Variants in RABEPK observed in about 807,000 individuals in gnomAD.
The protein encoded by RABEPK is Rab9 effector protein with kelch motifs.
A neutral mutation model predicts 34.1 loss-of-function variants in RABEPK; 27 were observed. The observed-to-expected ratio is 0.79, with a 90% CI of 0.58 to 1.09. RABEPK has a LOEUF of 1.09. Ranked by LOEUF, RABEPK falls within the 50% of genes least tolerant of loss-of-function variation. RABEPK has a pLI of 0.00. For missense variants in RABEPK, 449 were observed against 462.6 expected (o/e 0.97, Z 0.27); for synonymous variants, 172 against 169.2 (o/e 1.02, Z -0.13).
intron 2 of RABEPK, among the ~76,000 whole-genome samples, chr9:125,205,004 T>C (rs1048746378): frequency 6.6e-6 from 1 of 152,024 alleles, no homozygotes; most frequent in Admixed American, 6.6e-5. Flanking sequence ...ATTTTTTTTT[T>C]TAGAGACCCA....
chr9:125,232,655 C>A lies in RABEPK; in HGVS notation c.736C>A (p.His246Asn). Residue 246 changes from histidine (H) to asparagine (N), a missense_variant, in exon 7 of 8, where the codon CAC (histidine) becomes AAC (asparagine). His to Asn is a moderately conservative substitution (Grantham distance 68). Coordinates refer to ENST00000373538, the MANE Select transcript of RABEPK (RefSeq NM_005833.4). ...GGCTGCTCCAGCAGGCTGTGCTGCC[C>A]ACTCAGCTGTGGCCATGGGAAAACA... ...TGAAPAGCAAHSAVAMGKHVY... is the reference protein window; with the variant it reads ...TGAAPAGCAANSAVAMGKHVY... The A allele has an allele frequency of 6.2e-7, 1 of 1,614,166 alleles. No homozygotes were observed. The highest frequency in any genetic ancestry group is 8.5e-7 in the Non-Finnish European group (1 of 1,179,996).
chr9:125,224,687 C>T (rs375473836), intron 5 of RABEPK, among the ~76,000 whole-genome samples: 4 of 152,006 alleles, frequency 2.6e-5, no homozygotes, highest in Admixed American at 6.6e-5. Context: ...ATCTCCTGAC[C>T]TCGTGATCCG....
intron 2 of RABEPK, among the ~76,000 whole-genome samples, chr9:125,205,783 C>T (rs541315451): frequency 2.0e-5 from 3 of 152,256 alleles, no homozygotes; most frequent in South Asian, 4.1e-4. Flanking sequence ...CCACTGCGCC[C>T]GGCCCTCAAA....
chr9:125,229,128 C>T (rs1349708708), intron 6 of RABEPK, among the ~76,000 whole-genome samples: 2 of 151,858 alleles, frequency 1.3e-5, no homozygotes. Context: ...GTGGTGCATG[C>T]CTGTAATCCC....
At chr9:125,227,782 T>C in intron 5 of RABEPK, 128 bp from the exon 6 acceptor site, 1 of 720,446 alleles carries the variant, frequency 1.4e-6, no homozygotes, top group Non-Finnish European at 2.0e-6. Context: ...TTGGAGTGAA[T>C]GACCCCAGGG....
chr9:125,226,287 A>G (rs1271822828), intron 5 of RABEPK, among the ~76,000 whole-genome samples: 1 of 151,842 alleles, frequency 6.6e-6, no homozygotes, highest in African/African-American at 2.4e-5. Flanking sequence ...TGTGCATCCT[A>G]GCCTGAGCAA....
intron 4 of RABEPK, among the ~76,000 whole-genome samples, chr9:125,218,308 C>T (rs112204615): frequency 0.032 from 3,624 of 113,016 alleles, 87 homozygotes; most frequent in Non-Finnish European, 0.042. Context: ...GGAGCCACAG[C>T]GAGACTCCGT....
At chr9:125,218,733 TTCTC>T (rs975344520) in intron 4 of RABEPK, among the ~76,000 whole-genome samples, 7 of 151,476 alleles carry the variant, frequency 4.6e-5, no homozygotes, top group African/African-American at 1.5e-4. Flanking sequence ...CTCTCTCTCT[TTCTC>T]TCTCTCTTTC....
At chr9:125,228,787 C>T (rs1029191199) in intron 6 of RABEPK, among the ~76,000 whole-genome samples, 3 of 151,354 alleles carry the variant, frequency 2.0e-5, no homozygotes, top group Admixed American at 1.3e-4. Context: ...CATAGTGAAA[C>T]CCCATCTCTA....
At chr9:125,222,806 C>T (rs1405574529) in intron 5 of RABEPK, among the ~76,000 whole-genome samples, 2 of 150,710 alleles carry the variant, frequency 1.3e-5, no homozygotes, top group East Asian at 1.9e-4. Context: ...TCCATGCAAT[C>T]AGAAAGTCTT....
chr9:125,207,670 G>A lies in RABEPK; in HGVS notation c.160G>A (p.Gly54Arg), dbSNP rs1830312004. The change falls in exon 3 of 8, where the codon GGG becomes AGG. Residue 54 changes from glycine (G) to arginine (R), a missense_variant. Transcript: ENST00000373538. ...CAAGAGAGGGAAGGTCTTCATTGTT[G>A]GGGGAGCAAATCCAAACAGAAGCTT... ...NAKRGKVFIV[G>R]GANPNRSFSD... 6.2e-7 allele frequency: 1 copy of A among 1,614,008 alleles called. No individual in the cohort carries two copies. The highest frequency in any genetic ancestry group is 1.3e-5 in the African/African-American group (1 of 74,928).
intron 6 of RABEPK, among the ~76,000 whole-genome samples, chr9:125,228,597 T>C (rs1366346647): frequency 1.3e-5 from 2 of 150,524 alleles, no homozygotes; most frequent in East Asian, 3.9e-4. Flanking sequence ...AGGTGGAGGT[T>C]GTGGTGAGCT....
chr9:125,215,154 A>C (rs1187108688), intron 4 of RABEPK, among the ~76,000 whole-genome samples: 5 of 149,720 alleles, frequency 3.3e-5, no homozygotes, highest in Non-Finnish European at 7.4e-5. Context: ...CTATATTTAC[A>C]CATTCATAAC....
At chr9:125,230,608 T>A (rs937804126) in intron 6 of RABEPK, among the ~76,000 whole-genome samples, 75 of 150,052 alleles carry the variant, frequency 5.0e-4, no homozygotes, top group African/African-American at 1.8e-3. Context: ...CAATCTTGGC[T>A]CACTGCAAGC....
chr9:125,211,749 C>T (rs1830601611), intron 3 of RABEPK, among the ~76,000 whole-genome samples: 2 of 152,106 alleles, frequency 1.3e-5, no homozygotes, highest in South Asian at 4.1e-4. Flanking sequence ...GGGTGGGTCA[C>T]TTGAGGTCAG....
chr9:125,209,104 C>T (rs1352716256), intron 3 of RABEPK, among the ~76,000 whole-genome samples: 1 of 145,544 alleles, frequency 6.9e-6, no homozygotes, highest in Non-Finnish European at 1.5e-5. Context: ...GTTGCCCAGG[C>T]TGGAGTGCAG....
chr9:125,225,604 T>C (rs765891457), intron 5 of RABEPK, among the ~76,000 whole-genome samples: 15 of 152,018 alleles, frequency 9.9e-5, no homozygotes, highest in Non-Finnish European at 2.1e-4. Flanking sequence ...AGGTGGATCA[T>C]TTTAGGTCAA....
intron 3 of RABEPK, among the ~76,000 whole-genome samples, chr9:125,208,888 G>A (rs1437408811): frequency 1.3e-5 from 2 of 151,800 alleles, no homozygotes; most frequent in Non-Finnish European, 2.9e-5. Context: ...TACTACTGTA[G>A]TCCAAGCCAC....
At chr9:125,232,289 C>A (rs1832251719) in intron 6 of RABEPK, among the ~76,000 whole-genome samples, 1 of 151,398 alleles carries the variant, frequency 6.6e-6, no homozygotes, top group African/African-American at 2.4e-5. Flanking sequence ...TAATTCGAGG[C>A]AGTTAATAGT....
Sources: gnomAD v4.1 joint callset for allele counts (sites outside exome capture counted in the v4.1 genomes callset) on GRCh38, gnomAD v4.1.1 for gene constraint, MANE v1.5 for transcripts, NCBI Gene and HGNC (gene_info 2026-07-23, HGNC 2026-07-21) for gene names.